The following SGMS1 variants were observed in gnomAD, a reference collection of about 807,000 sequenced individuals.
SGMS1 encodes the protein sphingomyelin synthase 1.
SGMS1 carries 13 observed loss-of-function variants against 46.2 expected under a neutral mutation model. The observed-to-expected ratio is 0.28, with a 90% CI of 0.18 to 0.45. The LOEUF (loss-of-function observed/expected upper bound fraction) is 0.45. SGMS1 is among the 20% of genes least tolerant of loss of function. SGMS1 has a pLI of 1.00. For missense variants in SGMS1, 324 were observed against 519.9 expected, an observed-to-expected ratio of 0.62 and a Z score of 3.66; for synonymous variants, 203 against 187.8, an observed-to-expected ratio of 1.08 and a Z score of -0.66.
chr10:50,336,220 G>A (rs768677519), intron 7 of SGMS1: 10 of 152,274 alleles, frequency 6.6e-5, no homozygotes, highest in Non-Finnish European at 1.2e-4. Context: ...GGTCAGAGAA[G>A]GTCCCCAGGA....
chr10:50,608,162 T>C (rs1042599094), intron 1 of SGMS1, among the ~76,000 whole-genome samples: 2 of 152,196 alleles, frequency 1.3e-5, no homozygotes, highest in African/African-American at 4.8e-5. Flanking sequence ...ATACTATTCC[T>C]TTCAGCATTC....
chr10:50,572,793 G>C (rs2131860559), intron 2 of SGMS1, among the ~76,000 whole-genome samples: 1 of 152,210 alleles, frequency 6.6e-6, no homozygotes, highest in Admixed American at 6.5e-5. Context: ...ATATAGTAAT[G>C]AAATAAATTA....
intron 2 of SGMS1, among the ~76,000 whole-genome samples, chr10:50,563,151 C>T (rs1838256480): frequency 6.6e-6 from 1 of 152,194 alleles, no homozygotes; most frequent in Non-Finnish European, 1.5e-5. Flanking sequence ...AGGCACTCTG[C>T]AGCATCTAGT....
chr10:50,412,709 T>A (rs1849118244), intron 6 of SGMS1, among the ~76,000 whole-genome samples: 1 of 151,964 alleles, frequency 6.6e-6, no homozygotes, highest in Non-Finnish European at 1.5e-5. Flanking sequence ...TTAAGAGACA[T>A]AATATCAAGA....
rs1589378213 is a variant in SGMS1 at position 50,307,389 on chromosome 10, G to A, written c.1063-68C>T. 13 of 1,466,902 alleles carry A rather than the reference G, an allele frequency of 8.9e-6. 1 individual carries two copies. In the South Asian group the frequency reaches 1.1e-4, roughly 13 times the overall value. 90.9% of individuals were successfully genotyped at this position (1,466,902 alleles called of 1,614,324 possible). A position where few individuals can be genotyped will look rare whatever the true frequency, so the allele number is the denominator to read the frequency against. On this transcript the variant is annotated intron_variant, in intron 10 of 10. Coordinates refer to ENST00000361781, the MANE Select transcript of SGMS1 (RefSeq NM_147156.4). The surrounding 1 kb of genome is among the most constrained non-coding windows in gnomAD (Gnocchi z 4.2). ...CACTTTAAGTTCAAATACTTGCCAC[G>A]CTAAAATTCCCAAAGGACTCCATAC...
chr10:50,588,196 G>C (rs1226540672), intron 2 of SGMS1, among the ~76,000 whole-genome samples: 1 of 152,154 alleles, frequency 6.6e-6, no homozygotes, highest in Non-Finnish European at 1.5e-5. Context: ...ATCTTTTGAA[G>C]AACCTTTACT....
rs546470584 is a variant in SGMS1 at position 50,306,452 on chromosome 10, T to C, written c.*690A>G. 1 of 152,842 alleles carries C rather than the reference T, an allele frequency of 6.5e-6. No homozygotes were observed. Among genetic ancestry groups the C allele is most frequent in the South Asian group, 2.1e-4 (1 of 4,826 alleles). 9.5% of individuals were successfully genotyped at this position (152,842 alleles called of 1,614,324 possible). A position where few individuals can be genotyped will look rare whatever the true frequency, so the allele number is the denominator to read the frequency against. Reference sequence around the variant, plus strand: ...GATGCATTTTTAAATTTTAACTCTCTTCTCTCTGACATGTTAAAAATCTTT... The same window carrying C: ...GATGCATTTTTAAATTTTAACTCTCCTCTCTCTGACATGTTAAAAATCTTT... On this transcript the variant is annotated 3_prime_UTR_variant, in exon 11 of 11. Transcript: ENST00000361781.
Position 50,344,251 on chromosome 10 carries a change from T to C in SGMS1, c.-137A>G. The C allele has an allele frequency of 2.5e-6, 3 of 1,213,866 alleles. No homozygotes were observed. Among genetic ancestry groups the C allele is most frequent in the South Asian group, 1.7e-5 (1 of 60,010 alleles). 75.2% of individuals were successfully genotyped at this position (1,213,866 alleles called of 1,614,324 possible). On this transcript the variant is annotated 5_prime_UTR_variant, in exon 7 of 11. Transcript: ENST00000361781. ...ATGAGCAGAGACTTGTTTGGCAAGATGGTCAGGGCAGTTTTTAAACACCTC... is the reference window on the plus strand; with the variant it reads ...ATGAGCAGAGACTTGTTTGGCAAGACGGTCAGGGCAGTTTTTAAACACCTC...
At chr10:50,425,597 CAG>C (rs914882361) in intron 6 of SGMS1, among the ~76,000 whole-genome samples, 3 of 152,050 alleles carry the variant, frequency 2.0e-5, no homozygotes, top group Admixed American at 2.0e-4. Flanking sequence ...GATTACTAGA[CAG>C]GGGAGGGAGG....
chr10:50,388,104 A>G (rs1034188389), intron 6 of SGMS1, among the ~76,000 whole-genome samples: 2 of 152,162 alleles, frequency 1.3e-5, no homozygotes, highest in Admixed American at 6.5e-5. Flanking sequence ...TGTGTAAGAG[A>G]GGGAAGGAAG....
intron 6 of SGMS1, among the ~76,000 whole-genome samples, chr10:50,353,468 C>G (rs1463678987): frequency 6.6e-6 from 1 of 152,272 alleles, no homozygotes; most frequent in African/African-American, 2.4e-5. Context: ...TATGACAAAC[C>G]CACAGCTAAT....
At chr10:50,370,435 AT>A (rs1233806490) in intron 6 of SGMS1, among the ~76,000 whole-genome samples, 33 of 148,238 alleles carry the variant, frequency 2.2e-4, no homozygotes, top group African/African-American at 2.0e-4. Context: ...TACTTAAAAA[AT>A]TTTTTTTTTT....
At chr10:50,456,857 G>T (rs770249296) in intron 5 of SGMS1, among the ~76,000 whole-genome samples, 1 of 152,152 alleles carries the variant, frequency 6.6e-6, no homozygotes, top group Non-Finnish European at 1.5e-5. Context: ...AGAAAAATGG[G>T]TTTTCAAAGT....
chr10:50,427,583 A>G (rs1346133944), intron 6 of SGMS1, among the ~76,000 whole-genome samples: 2 of 152,244 alleles, frequency 1.3e-5, no homozygotes. Context: ...GGTAAGCTGA[A>G]CTAACCAAAA....
intron 1 of SGMS1, among the ~76,000 whole-genome samples, chr10:50,593,747 T>C (rs902613094): frequency 1.3e-5 from 2 of 152,214 alleles, no homozygotes; most frequent in African/African-American, 4.8e-5. Flanking sequence ...TCTTAAGATT[T>C]TGAGATTCAT....
At chr10:50,417,194 T>A (rs572856500) in intron 6 of SGMS1, among the ~76,000 whole-genome samples, 20 of 152,178 alleles carry the variant, frequency 1.3e-4, no homozygotes, top group African/African-American at 4.8e-4. Context: ...TTCCCCAAAC[T>A]CTTGCAAGAA....
chr10:50,389,216 T>C (rs562385608), intron 6 of SGMS1, among the ~76,000 whole-genome samples: 12 of 152,340 alleles, frequency 7.9e-5, no homozygotes, highest in African/African-American at 2.9e-4. Context: ...TCTAGGTGCA[T>C]CATCCCAAGG....
intron 2 of SGMS1, among the ~76,000 whole-genome samples, chr10:50,520,344 T>C (rs1301472283): frequency 6.6e-6 from 1 of 152,148 alleles, no homozygotes; most frequent in Non-Finnish European, 1.5e-5. Flanking sequence ...GCGCCGTGAT[T>C]GCACTCTAGC....
intron 6 of SGMS1, among the ~76,000 whole-genome samples, chr10:50,419,151 T>G (rs1849222186): frequency 6.6e-6 from 1 of 151,944 alleles, no homozygotes; most frequent in African/African-American, 2.4e-5. Flanking sequence ...CACTGGGGGC[T>G]TTGGAACATA....
Sources: gnomAD v4.1 joint callset for allele counts (sites outside exome capture counted in the v4.1 genomes callset) on GRCh38, gnomAD v4.1.1 for gene constraint, Gnocchi (gnomAD v3.1) non-coding constraint, MANE v1.5 for transcripts, NCBI Gene and HGNC (gene_info 2026-07-23, HGNC 2026-07-21) for gene names.